The following ZDHHC8 variants were observed in gnomAD, a reference collection of about 807,000 sequenced individuals.
The protein encoded by ZDHHC8 is zDHHC palmitoyltransferase 8, also known as palmitoyltransferase ZDHHC8.
In ZDHHC8, 24 loss-of-function variants were observed where a neutral mutation model predicts 61.2. The observed-to-expected ratio is 0.39, with a 90% CI of 0.28 to 0.55. The LOEUF (loss-of-function observed/expected upper bound fraction) is 0.55, where lower values mean the gene tolerates loss of function less well. Among genes scored for constraint, ZDHHC8 ranks in the 20% least tolerant of loss-of-function variants. The pLI, the probability that ZDHHC8 is intolerant of heterozygous loss-of-function variation, is 0.60. For missense variants in ZDHHC8, 935 were observed against 1,102.1 expected (o/e 0.85, Z 2.15); for synonymous variants, 523 against 492.5 (o/e 1.06, Z -0.82).
At position 20,147,939 on chromosome 22, in the gene ZDHHC8, C is replaced by G. The variant is rs1202151315; in HGVS notation, c.*2539C>G. On this transcript the variant is annotated 3_prime_UTR_variant, in exon 11 of 11. Transcript: ENST00000334554. ...ATTTGGGGACGAGAAAGCCACAAAA[C>G]CATTCTCTATTGTTCTTAAGGGTAC... The G allele has an allele frequency of 6.6e-6, 1 of 152,352 alleles. No individual in the cohort carries two copies. The highest frequency in any genetic ancestry group is 6.5e-5 in the Admixed American group (1 of 15,294). The allele number at this position is 152,352 out of a possible 1,614,324, so 9.4% of individuals were successfully genotyped here.
intron 1 of ZDHHC8, among the ~76,000 whole-genome samples, chr22:20,137,125 A>G (rs1213443327): frequency 6.6e-6 from 1 of 152,206 alleles, no homozygotes; most frequent in African/African-American, 2.4e-5. Context: ...TAGGGCCCAT[A>G]TGGGCCCTCA....
intron 1 of ZDHHC8, among the ~76,000 whole-genome samples, chr22:20,132,725 G>A (rs1220420867): frequency 1.3e-5 from 2 of 152,244 alleles, no homozygotes. Context: ...GGGAGTGAGA[G>A]CCCGCGCCTG....
intron 7 of ZDHHC8, 58 bp downstream of exon 7, chr22:20,141,070 C>G: frequency 6.2e-7 from 1 of 1,603,614 alleles, no homozygotes; most frequent in Non-Finnish European, 8.5e-7. Flanking sequence ...GGGAAACAGG[C>G]AGGTTGGTGG....
Position 20,131,897 on chromosome 22 carries a change from CGG to C in ZDHHC8, c.-50_-49del. ...CGCCCGACCCCGGCCCGACCCCGGC[CGG>C]CCCTGCCCGCCCGGCCCCGGGGAGG... On this transcript the variant is annotated 5_prime_UTR_variant, in exon 1 of 11. Transcript: ENST00000334554. The C allele has an allele frequency of 1.1e-6, 1 of 883,612 alleles. No individual in the cohort carries two copies. Among genetic ancestry groups the C allele is most frequent in the Non-Finnish European group, 1.4e-6 (1 of 733,514 alleles). The allele number at this position is 883,612 out of a possible 1,614,324, so 54.7% of individuals were successfully genotyped here. A position where few individuals can be genotyped will look rare whatever the true frequency, so the allele number is the denominator to read the frequency against.
At position 20,143,888 on chromosome 22, in the gene ZDHHC8, G is replaced by A. The variant is rs1017325495; in HGVS notation, c.2126+132G>A. The A allele has an allele frequency of 3.1e-5, 37 of 1,211,488 alleles. 1 individual carries two copies. The South Asian group carries it at 4.0e-4, about 13-fold the overall frequency. The allele number at this position is 1,211,488 out of a possible 1,614,324, so 75.0% of individuals were successfully genotyped here. On this transcript the variant is annotated intron_variant, in intron 10 of 10. Transcript: ENST00000334554. ...TTTTTCTCTGGGGACGGGACAGGGA[G>A]GATGCGCCTCACCCTGCCTTGAAGG... is the stretch of plus-strand genomic sequence containing the variant.
Position 20,141,317 on chromosome 22 carries a change from C to T in ZDHHC8, c.995C>T (p.Thr332Ile), listed in dbSNP as rs1273963326. ...EAGTFSSDLQ[T>I]PRPGSAESAL... ...GGCACGTTCAGCAGTGACCTGCAGACCCCGCGCCCAGGCAGTGCTGGTGAG... is the reference window on the plus strand; with the variant it reads ...GGCACGTTCAGCAGTGACCTGCAGATCCCGCGCCCAGGCAGTGCTGGTGAG... The change falls in exon 8 of 11, where the codon ACC becomes ATC. Residue 332 changes from threonine (T) to isoleucine (I), a missense_variant. Physicochemically the swap from Thr to Ile is moderately conservative, Grantham distance 89 (BLOSUM62 -1). Around this residue, in one of 3 missense-constraint regions of ZDHHC8, gnomAD observed 692 missense variants for 731.4 expected, o/e 0.95. Transcript: ENST00000334554. The T allele has an allele frequency of 1.9e-6, 3 of 1,612,624 alleles. No homozygotes were observed. The highest frequency in any genetic ancestry group is 2.7e-5 in the African/African-American group (2 of 75,040).
intron 1 of ZDHHC8, 113 bp downstream of exon 1, chr22:20,132,164 C>A: frequency 1.8e-6 from 1 of 556,880 alleles, no homozygotes; most frequent in Non-Finnish European, 2.4e-6. Context: ...AGTGGGCGGG[C>A]GGGGCGCCGG....
chr22:20,140,919 G>A lies in ZDHHC8; in HGVS notation c.801G>A (p.Pro267=), dbSNP rs1013986890. The part of the protein sequence containing the change: ...PRLPLAVSLK[P]PFLRPELLDR... The stretch of plus-strand genomic sequence containing the variant: ...TGCCGCTCGCGGTGAGTTTGAAGCC[G>A]CCTTTCCTTAGGCCTGAACTCCTGG... Residue 267 remains proline, a synonymous_variant, in exon 7 of 11, where the codon CCG becomes CCA. Coordinates refer to ENST00000334554, the MANE Select transcript of ZDHHC8 (RefSeq NM_013373.4). 1.0e-5 allele frequency: 16 copies of A among 1,607,836 alleles called. No individual in the cohort carries two copies. Among genetic ancestry groups the A allele is most frequent in the African/African-American group, 5.3e-5 (4 of 74,942 alleles).
At chr22:20,145,194 CGTGT>C (rs1568996606) in intron 10 of ZDHHC8, 31 bp from the exon 11 acceptor site, 1 of 1,409,928 alleles carries the variant, frequency 7.1e-7, no homozygotes, top group African/African-American at 1.5e-5. Context: ...GTGTGTTCAC[CGTGT>C]GCATGTGTGT....
intron 1 of ZDHHC8, among the ~76,000 whole-genome samples, chr22:20,133,643 C>G (rs1161982795): frequency 6.6e-6 from 1 of 150,458 alleles, no homozygotes; most frequent in Admixed American, 6.6e-5. Flanking sequence ...GCAGGAAAAT[C>G]ACTTGAACCC....
chr22:20,146,286 T>G lies in ZDHHC8; in HGVS notation c.*886T>G, dbSNP rs1257458928. The G allele has an allele frequency of 2.0e-6, 2 of 985,454 alleles. No homozygotes were observed. Among genetic ancestry groups the G allele is most frequent in the Non-Finnish European group, 2.4e-6 (2 of 829,936 alleles). The allele number at this position is 985,454 out of a possible 1,614,324, so 61.0% of individuals were successfully genotyped here. On this transcript the variant is annotated 3_prime_UTR_variant, in exon 11 of 11. Coordinates refer to ENST00000334554, the MANE Select transcript of ZDHHC8 (RefSeq NM_013373.4). ...GCCACGTCCGCAGCCCCGGCCTGGC[T>G]GCGGTGCTCGCGCCGTGGGAAAGCA... is the stretch of plus-strand genomic sequence containing the variant.
At position 20,145,459 on chromosome 22, in the gene ZDHHC8, C is replaced by A. The variant is rs2050513447; in HGVS notation, c.*59C>A. 7 of 1,354,220 alleles carry A rather than the reference C, an allele frequency of 5.2e-6. No homozygotes were observed. In the South Asian group the frequency reaches 1.2e-4, roughly 24 times the overall value. The allele number at this position is 1,354,220 out of a possible 1,614,324, so 83.9% of individuals were successfully genotyped here. On this transcript the variant is annotated 3_prime_UTR_variant, in exon 11 of 11. Coordinates refer to ENST00000334554, the MANE Select transcript of ZDHHC8 (RefSeq NM_013373.4). The stretch of plus-strand genomic sequence containing the variant: ...GGGGACCAGGACCCCACAGCGCACC[C>A]CCCCTCCCCACCAACTTCTCTGCCC...
rs1438649832 is a variant in ZDHHC8, at chr22:20,146,050, C to T, written c.*650C>T. ...GTCCCGTGTCTGTGTGCTGTGCTGC[C>T]GCGCCGTGTCTGATGTGTCAGTGCT... On this transcript the variant is annotated 3_prime_UTR_variant, in exon 11 of 11. Coordinates refer to ENST00000334554, the MANE Select transcript of ZDHHC8 (RefSeq NM_013373.4). 2.0e-5 allele frequency: 20 copies of T among 985,900 alleles called. No homozygotes were observed. The highest frequency in any genetic ancestry group is 2.3e-5 in the Non-Finnish European group (19 of 830,036). 61.1% of individuals were successfully genotyped at this position (985,900 alleles called of 1,614,324 possible). A position where few individuals can be genotyped will look rare whatever the true frequency, so the allele number is the denominator to read the frequency against.
chr22:20,139,128 T>A, intron 1 of ZDHHC8, 66 bp from the exon 2 acceptor site: 2 of 1,565,138 alleles, frequency 1.3e-6, no homozygotes, highest in Non-Finnish European at 1.7e-6. Context: ...CCGCACCACA[T>A]AGCTCTGCGC....
rs1305261805 is a variant in ZDHHC8 at position 20,141,489 on chromosome 22, C to T, written c.1084C>T (p.Pro362Ser). The change falls in exon 9 of 11, where the codon CCC becomes TCC. Residue 362 changes from proline to serine, a missense_variant. Physicochemically the swap from Pro to Ser is moderately conservative, Grantham distance 74. Around this residue, in one of 3 missense-constraint regions of ZDHHC8, gnomAD observed 692 missense variants for 731.4 expected, o/e 0.95. Transcript: ENST00000334554. ...CATGTACAAGTTTAGGCCGGCTTTC[C>T]CCACGGGTCCCAAGGTGCCCTTCTG... ...PAMYKFRPAFPTGPKVPFCGP... is the reference protein window; with the variant it reads ...PAMYKFRPAFSTGPKVPFCGP... 1 of 1,613,140 alleles carries T rather than the reference C, an allele frequency of 6.2e-7. No individual in the cohort carries two copies. The highest frequency in any genetic ancestry group is 1.1e-5 in the South Asian group (1 of 91,030).
In ZDHHC8 at chr22:20,131,968, G is replaced by A; in HGVS notation, c.21G>A (p.Thr7=). 1 of 1,306,006 alleles carries A rather than the reference G, an allele frequency of 7.7e-7. No homozygotes were observed. The highest frequency in any genetic ancestry group is 9.9e-7 in the Non-Finnish European group (1 of 1,008,516). 80.9% of individuals were successfully genotyped at this position (1,306,006 alleles called of 1,614,324 possible). The change falls in exon 1 of 11, where the codon ACG becomes ACA. Residue 7 remains threonine, a synonymous_variant. Coordinates refer to ENST00000334554, the MANE Select transcript of ZDHHC8 (RefSeq NM_013373.4). ...CCAGGATGCCCCGCAGCCCCGGGACGCGCCTCAAACCCGCCAAGTACATCC... is the reference window on the plus strand; with the variant it reads ...CCAGGATGCCCCGCAGCCCCGGGACACGCCTCAAACCCGCCAAGTACATCC... MPRSPG[T]RLKPAKYIPV...
At chr22:20,139,454 C>T (rs2050448019) in intron 2 of ZDHHC8, 24 bp from the exon 3 acceptor site, 1 of 1,610,810 alleles carries the variant, frequency 6.2e-7, no homozygotes, top group African/African-American at 1.3e-5. Context: ...ACTTCCTGCT[C>T]ACTGCCTGGC....
Position 20,139,636 on chromosome 22 carries a change from G to A in ZDHHC8, c.384+1G>A. On this transcript the variant is annotated splice_donor_variant, in intron 3 of 10. Coordinates refer to ENST00000334554, the MANE Select transcript of ZDHHC8 (RefSeq NM_013373.4). LOFTEE classifies it high-confidence loss of function. The stretch of plus-strand genomic sequence containing the variant: ...CAGCGTCTGTGACAACTGTGTAGAG[G>A]TGACCGCCCTGCTGCCCCGCGCTCC... The A allele has an allele frequency of 6.2e-7, 1 of 1,612,638 alleles. No homozygotes were observed. Among genetic ancestry groups the A allele is most frequent in the Non-Finnish European group, 8.5e-7 (1 of 1,179,898 alleles).
chr22:20,142,712 C>G (rs768454258), intron 9 of ZDHHC8, 44 bp from the exon 10 acceptor site: 24 of 1,606,448 alleles, frequency 1.5e-5, no homozygotes, highest in Non-Finnish European at 1.9e-5. Flanking sequence ...CGGCTGCAGG[C>G]GGGGTGGCAG....
Sources: gnomAD v4.1 joint callset for allele counts (sites outside exome capture counted in the v4.1 genomes callset) on GRCh38, gnomAD v4.1.1 for gene constraint, gnomAD v4.1.1 regional missense constraint, MANE v1.5 for transcripts, NCBI Gene and HGNC (gene_info 2026-07-23, HGNC 2026-07-21) for gene names.